RALGPS1: variants seen among roughly 807,000 people sequenced by gnomAD.
The protein encoded by RALGPS1 is ras-specific guanine nucleotide-releasing factor RalGPS1.
RALGPS1 carries 19 observed loss-of-function variants against 78.8 expected under a neutral mutation model. The observed-to-expected ratio is 0.24, with a 90% confidence interval of 0.17 to 0.35. RALGPS1 has a LOEUF of 0.35. RALGPS1 is among the 10% of genes least tolerant of loss of function. The pLI, the probability that RALGPS1 is intolerant of heterozygous loss-of-function variation, is 1.00. For synonymous variants in RALGPS1, 228 were observed against 256.3 expected (o/e 0.89, Z 1.06); for missense variants, 454 against 688.3 (o/e 0.66, Z 3.81).
chr9:127,164,908 A>G (rs2059217398), intron 8 of RALGPS1, among the ~76,000 whole-genome samples: 1 of 152,212 alleles, frequency 6.6e-6, no homozygotes, highest in Admixed American at 6.5e-5. Context: ...GTATATGTAT[A>G]TATATGTGTA....
At chr9:127,129,546 G>A (rs567189752) in intron 8 of RALGPS1, among the ~76,000 whole-genome samples, 38 of 152,300 alleles carry the variant, frequency 2.5e-4, no homozygotes, top group Admixed American at 1.9e-3. Flanking sequence ...GACCCAAGGA[G>A]GCAGCTGATT....
chr9:126,976,306 C>T lies in RALGPS1; in HGVS notation c.166-1389C>T, dbSNP rs928613814. 1.9e-4 allele frequency among the ~76,000 whole-genome samples: 20 copies of T among 103,770 alleles called. 1 individual carries two copies. In the South Asian group the frequency reaches 8.7e-3, roughly 45 times the overall value. The allele number at this position is 103,770 out of a possible 152,430, so 68.1% of individuals were successfully genotyped here. A position where few individuals can be genotyped will look rare whatever the true frequency, so the allele number is the denominator to read the frequency against. ...CACACACACCCCCTTACACTCAACA[C>T]TCATTCTCACACACACACACACACA... On this transcript the variant is annotated intron_variant, in intron 3 of 18. Transcript: ENST00000259351.
In RALGPS1 at chr9:127,182,578, C is replaced by T. The variant is rs540038200; in HGVS notation, c.910+7796C>T. On this transcript the variant is annotated intron_variant, in intron 11 of 18. Coordinates refer to ENST00000259351, the MANE Select transcript of RALGPS1 (RefSeq NM_014636.3). ...CCGAGTAGCTGGGATTACAGTCGCC[C>T]GCCACCATGCCCAGCAAATTTTTGT... Among the ~76,000 whole-genome samples, 117 of 151,948 alleles carry T rather than the reference C, an allele frequency of 7.7e-4. 4 individuals carry two copies. The highest frequency in any genetic ancestry group is 6.0e-3 in the Admixed American group (91 of 15,264).
At chr9:126,989,618 C>T (rs1484259650) in intron 4 of RALGPS1, among the ~76,000 whole-genome samples, 1 of 152,186 alleles carries the variant, frequency 6.6e-6, no homozygotes, top group Non-Finnish European at 1.5e-5. Flanking sequence ...TGGTCCTCTC[C>T]CTCTAGTCCT....
At chr9:126,935,981 C>T (rs377642550) in intron 1 of RALGPS1, among the ~76,000 whole-genome samples, 323 of 152,300 alleles carry the variant, frequency 2.1e-3, no homozygotes, top group African/African-American at 7.2e-3. Flanking sequence ...TGAATTGGCC[C>T]GAGTCCATTC....
At chr9:127,190,556 G>A (rs1055812764) in intron 11 of RALGPS1, among the ~76,000 whole-genome samples, 2 of 152,054 alleles carry the variant, frequency 1.3e-5, no homozygotes, top group Non-Finnish European at 2.9e-5. Context: ...AAGTTTTTAC[G>A]ATTTATCTGT....
At chr9:127,202,060 G>C (rs747857629) in intron 14 of RALGPS1, among the ~76,000 whole-genome samples, 1 of 152,186 alleles carries the variant, frequency 6.6e-6, no homozygotes, top group Non-Finnish European at 1.5e-5. Context: ...AAGCGCAGGG[G>C]CCACACTCTT....
chr9:127,030,232 A>G (rs1013604354), intron 4 of RALGPS1, among the ~76,000 whole-genome samples: 5 of 152,312 alleles, frequency 3.3e-5, no homozygotes, highest in East Asian at 1.9e-4. Context: ...TGGGCTGGAC[A>G]CAGACATGTA....
intron 1 of RALGPS1, among the ~76,000 whole-genome samples, chr9:126,915,214 G>A (rs1466572768): frequency 1.4e-5 from 2 of 140,288 alleles, no homozygotes; most frequent in African/African-American, 5.1e-5. Flanking sequence ...GGGGTCCGGG[G>A]CCAGGGGCGC....
intron 3 of RALGPS1, among the ~76,000 whole-genome samples, chr9:126,976,930 C>T (rs1171262119): frequency 6.6e-6 from 1 of 152,242 alleles, no homozygotes; most frequent in Non-Finnish European, 1.5e-5. Flanking sequence ...ATGATGGGCA[C>T]AGCCTTTTAA....
intron 1 of RALGPS1, among the ~76,000 whole-genome samples, chr9:126,927,761 A>G (rs144240789): frequency 6.6e-6 from 1 of 152,164 alleles, no homozygotes; most frequent in African/African-American, 2.4e-5. Flanking sequence ...CCCATCTAAC[A>G]TTGTGAGGTT....
At chr9:126,948,504 G>A (rs1296203060) in intron 1 of RALGPS1, among the ~76,000 whole-genome samples, 1 of 152,176 alleles carries the variant, frequency 6.6e-6, no homozygotes, top group African/African-American at 2.4e-5. Context: ...CTGTGCAACA[G>A]AGTGAAACTC....
chr9:127,137,710 G>A (rs1227814793), intron 8 of RALGPS1, among the ~76,000 whole-genome samples: 1 of 152,174 alleles, frequency 6.6e-6, no homozygotes, highest in African/African-American at 2.4e-5. Context: ...TACTGAGGTG[G>A]GGCAGAGCCT....
At chr9:127,191,258 A>T (rs1406874071) in intron 11 of RALGPS1, among the ~76,000 whole-genome samples, 6 of 152,066 alleles carry the variant, frequency 3.9e-5, no homozygotes, top group Admixed American at 6.5e-5. Flanking sequence ...AAATTTATTC[A>T]TCTCTTCCTT....
chr9:126,918,522 T>G (rs1023812429), intron 1 of RALGPS1, among the ~76,000 whole-genome samples: 1 of 152,078 alleles, frequency 6.6e-6, no homozygotes, highest in Non-Finnish European at 1.5e-5. Context: ...GGAGTCTCAC[T>G]ATGTTGCCCA....
At chr9:127,216,515 C>T (rs72766218) in intron 18 of RALGPS1, among the ~76,000 whole-genome samples, 1 of 152,282 alleles carries the variant, frequency 6.6e-6, no homozygotes, top group Non-Finnish European at 1.5e-5. Flanking sequence ...TTGTGTGACA[C>T]TTGATAGTTA....
chr9:127,140,600 T>A (rs997451020), intron 8 of RALGPS1, among the ~76,000 whole-genome samples: 1 of 152,234 alleles, frequency 6.6e-6, no homozygotes, highest in Non-Finnish European at 1.5e-5. Context: ...TGTATGTTTA[T>A]GTGGAGGACA....
Position 127,222,162 on chromosome 9 carries a change from T to C in RALGPS1, c.*3393T>C. 1 of 152,272 alleles carries C rather than the reference T, an allele frequency of 6.6e-6. No homozygotes were observed. The highest frequency in any genetic ancestry group is 2.1e-4 in the South Asian group (1 of 4,836). 9.4% of individuals were successfully genotyped at this position (152,272 alleles called of 1,614,324 possible). A position where few individuals can be genotyped will look rare whatever the true frequency, so the allele number is the denominator to read the frequency against. ...AAGTCAGATCTGATCCCTGCCCTCATGGACCTGACCACTCAACAAACAGTC... is the reference window on the plus strand; with the variant it reads ...AAGTCAGATCTGATCCCTGCCCTCACGGACCTGACCACTCAACAAACAGTC... On this transcript the variant is annotated 3_prime_UTR_variant, in exon 19 of 19. Transcript: ENST00000259351.
intron 4 of RALGPS1, among the ~76,000 whole-genome samples, chr9:127,013,392 T>G (rs1402054489): frequency 3.3e-5 from 5 of 152,148 alleles, no homozygotes; most frequent in African/African-American, 1.2e-4. Flanking sequence ...CAAGCCTGAT[T>G]CTTTCCCCAG....
Sources: allele counts gnomAD v4.1 joint callset (sites outside exome capture counted in the v4.1 genomes callset), GRCh38; gene constraint gnomAD v4.1.1; transcripts MANE v1.5; gene names NCBI Gene and HGNC (gene_info 2026-07-23, HGNC 2026-07-21).